GLIS3: variants seen among roughly 807,000 people sequenced by gnomAD.
The protein encoded by GLIS3 is GLIS family zinc finger 3.
In GLIS3, 53 loss-of-function variants were observed where a neutral mutation model predicts 78.6. That is an observed-to-expected ratio of 0.67 (90% CI 0.54 to 0.85). GLIS3 has a LOEUF of 0.85. Among genes scored for constraint, GLIS3 ranks in the 40% least tolerant of loss-of-function variants. GLIS3 has a pLI of 0.00. For missense variants in GLIS3, 1,703 were observed against 1,231.1 expected, an observed-to-expected ratio of 1.38 and a Z score of -5.74; for synonymous variants, 684 against 509.9, an observed-to-expected ratio of 1.34 and a Z score of -4.60.
chr9:4,470,660 A>G, the GLIS3 span, among the ~76,000 whole-genome samples: 1 of 152,066 alleles, frequency 6.6e-6, no homozygotes, highest in African/African-American at 2.4e-5. Flanking sequence ...CTGAATGGGC[A>G]AAAACTGGAA....
chr9:3,882,215 G>C (rs1233368704), intron 7 of GLIS3, among the ~76,000 whole-genome samples: 1 of 152,006 alleles, frequency 6.6e-6, no homozygotes, highest in Non-Finnish European at 1.5e-5. Flanking sequence ...AGATGAACAA[G>C]ATATAAATGC....
chr9:3,861,160 G>T lies in GLIS3; in HGVS notation c.2298-4976C>A, dbSNP rs557603417. Among the ~76,000 whole-genome samples, 414 of 152,322 alleles carry T rather than the reference G, an allele frequency of 2.7e-3. 2 individuals carry two copies. The highest frequency in any genetic ancestry group is 9.7e-3 in the African/African-American group (403 of 41,572). ...ATCCCTGACATTAACATGTATCCCT[G>T]TGTTCGAGAGCTGTGTAAGACTGTG... On this transcript the variant is annotated intron_variant, in intron 8 of 10. Transcript: ENST00000381971.
chr9:4,131,835 G>A (rs1253975845), intron 2 of GLIS3, among the ~76,000 whole-genome samples: 1 of 152,032 alleles, frequency 6.6e-6, no homozygotes, highest in Non-Finnish European at 1.5e-5. Flanking sequence ...ACACTATCAA[G>A]CACGCAGTAG....
chr9:4,146,423 T>C (rs1400633924), intron 2 of GLIS3, among the ~76,000 whole-genome samples: 1 of 152,234 alleles, frequency 6.6e-6, no homozygotes, highest in African/African-American at 2.4e-5. Flanking sequence ...AAATACCTTT[T>C]GGAAATATTT....
intron 2 of GLIS3, among the ~76,000 whole-genome samples, chr9:4,229,116 A>C (rs1203297766): frequency 2.0e-5 from 3 of 152,232 alleles, no homozygotes; most frequent in Non-Finnish European, 2.9e-5. Flanking sequence ...ATATGCTACC[A>C]CTGAGGAAAA....
chr9:4,291,694 G>A (rs1479601323), intron 1 of GLIS3, among the ~76,000 whole-genome samples: 1 of 152,122 alleles, frequency 6.6e-6, no homozygotes, highest in Admixed American at 6.5e-5. Context: ...TTAAAAATCA[G>A]AAGCAGCATT....
At chr9:4,369,151 C>G in the GLIS3 span, among the ~76,000 whole-genome samples, 1 of 152,056 alleles carries the variant, frequency 6.6e-6, no homozygotes, top group Non-Finnish European at 1.5e-5. Flanking sequence ...ATTATTAAGA[C>G]TAGTATCTCC....
At chr9:4,141,547 G>T (rs973533618) in intron 2 of GLIS3, among the ~76,000 whole-genome samples, 1 of 152,176 alleles carries the variant, frequency 6.6e-6, no homozygotes, top group Non-Finnish European at 1.5e-5. Flanking sequence ...CCTTGGTAGT[G>T]TATCAGGCCA....
chr9:4,348,533 T>G (rs754715945), upstream of GLIS3: 1 of 152,232 alleles, frequency 6.6e-6, no homozygotes, highest in Non-Finnish European at 1.5e-5. Flanking sequence ...ACTCGGTCAA[T>G]GGCCACACCT....
chr9:4,403,938 G>A, the GLIS3 span, among the ~76,000 whole-genome samples: 1 of 152,038 alleles, frequency 6.6e-6, no homozygotes, highest in African/African-American at 2.4e-5. Context: ...GTGACTGAAT[G>A]GATGAGAAAA....
At chr9:4,030,341 T>G (rs1823726074) in intron 4 of GLIS3, among the ~76,000 whole-genome samples, 1 of 152,220 alleles carries the variant, frequency 6.6e-6, no homozygotes, top group Admixed American at 6.5e-5. Flanking sequence ...TATATTCTGG[T>G]AGTTAATCCC....
chr9:4,058,813 T>C (rs1826367989), intron 4 of GLIS3, among the ~76,000 whole-genome samples: 1 of 151,766 alleles, frequency 6.6e-6, no homozygotes, highest in Admixed American at 6.6e-5. Flanking sequence ...ACCCCATCTC[T>C]ACTAAAAAAT....
At chr9:4,452,272 A>G in the GLIS3 span, among the ~76,000 whole-genome samples, 1 of 152,200 alleles carries the variant, frequency 6.6e-6, no homozygotes, top group South Asian at 2.1e-4. Flanking sequence ...CAAGACAAGG[A>G]TGTCCTCTCT....
chr9:4,398,717 T>C, the GLIS3 span, among the ~76,000 whole-genome samples: 5 of 150,988 alleles, frequency 3.3e-5, no homozygotes, highest in African/African-American at 1.2e-4. Flanking sequence ...GAGACAGAGT[T>C]TCACTCTGTC....
At chr9:4,469,879 G>C in the GLIS3 span, among the ~76,000 whole-genome samples, 1 of 152,128 alleles carries the variant, frequency 6.6e-6, no homozygotes, top group Non-Finnish European at 1.5e-5. Flanking sequence ...AAAATTGATA[G>C]ACCACTAGCA....
At chr9:4,057,201 G>A (rs879109165) in intron 4 of GLIS3, among the ~76,000 whole-genome samples, 3 of 152,116 alleles carry the variant, frequency 2.0e-5, no homozygotes, top group South Asian at 2.1e-4. Context: ...CAAAGGCCAT[G>A]CAGTCCCATC....
chr9:4,371,555 G>C, the GLIS3 span, among the ~76,000 whole-genome samples: 1 of 152,106 alleles, frequency 6.6e-6, no homozygotes, highest in Admixed American at 6.6e-5. Flanking sequence ...TGCCAATGGG[G>C]ACACCCTACC....
intron 2 of GLIS3, among the ~76,000 whole-genome samples, chr9:4,212,941 C>T (rs1454534790): frequency 2.6e-5 from 4 of 152,212 alleles, no homozygotes; most frequent in South Asian, 2.1e-4. Flanking sequence ...TTGGGGTTTG[C>T]TGGAGATGAA....
intron 4 of GLIS3, among the ~76,000 whole-genome samples, chr9:4,033,734 G>A (rs1824056555): frequency 6.6e-6 from 1 of 151,982 alleles, no homozygotes; most frequent in Admixed American, 6.5e-5. Flanking sequence ...CAAATCAAAG[G>A]GCGATGCTGT....
Sources: allele counts gnomAD v4.1 joint callset (sites outside exome capture counted in the v4.1 genomes callset), GRCh38; gene constraint gnomAD v4.1.1; transcripts MANE v1.5; gene names NCBI Gene and HGNC (gene_info 2026-07-23, HGNC 2026-07-21).